Variants in LPIN2 observed in about 807,000 individuals in gnomAD.
The protein encoded by LPIN2 is phosphatidate phosphatase LPIN2.
In LPIN2, 55 loss-of-function variants were observed where a neutral mutation model predicts 111.4. The ratio of observed to expected loss-of-function variants is 0.49; its 90% CI spans 0.40 to 0.62. The LOEUF is 0.62. Ranked by LOEUF, LPIN2 falls within the 20% of genes least tolerant of loss-of-function variation. LPIN2 has a pLI of 0.00. For missense variants in LPIN2, 992 were observed against 1,112.1 expected, an observed-to-expected ratio of 0.89 and a Z score of 1.54; for synonymous variants, 425 against 414.0, an observed-to-expected ratio of 1.03 and a Z score of -0.32.
intron 2 of LPIN2, among the ~76,000 whole-genome samples, chr18:2,957,377 C>CA (rs1191701462): frequency 6.6e-6 from 1 of 152,126 alleles, no homozygotes; most frequent in Non-Finnish European, 1.5e-5. Flanking sequence ...CTTCAGACGT[C>CA]AGATTTTCAG....
rs1406028456 is a variant in LPIN2 at position 2,931,301 on chromosome 18, G to A, written c.1411C>T (p.Leu471Phe). The A allele has an allele frequency of 6.2e-7, 1 of 1,614,196 alleles. No individual in the cohort carries two copies. Among genetic ancestry groups the A allele is most frequent in the South Asian group, 1.1e-5 (1 of 91,084 alleles). ...DSAMDLPDVT[L>F]SLCGGLSENG... ...TCACTGAGGCCCCCGCAAAGGGAGAGGGTAACGTCAGGCAAGTCCATGGCA... is the reference window on the plus strand; with the variant it reads ...TCACTGAGGCCCCCGCAAAGGGAGAAGGTAACGTCAGGCAAGTCCATGGCA... Residue 471 changes from leucine to phenylalanine, a missense_variant, in exon 9 of 20, where the codon CTC becomes TTC. Physicochemically the swap from Leu to Phe is conservative, Grantham distance 22. Coordinates refer to ENST00000677752, the MANE Select transcript of LPIN2 (RefSeq NM_001375808.2).
In LPIN2 at chr18:2,918,736, A is replaced by G. The variant is rs750856145; in HGVS notation, c.*1557T>C. The G allele has an allele frequency of 1.3e-5, 2 of 152,240 alleles. No homozygotes were observed. The highest frequency in any genetic ancestry group is 2.9e-5 in the Non-Finnish European group (2 of 68,054). The allele number at this position is 152,240 out of a possible 1,614,324, so 9.4% of individuals were successfully genotyped here. On this transcript the variant is annotated 3_prime_UTR_variant, in exon 20 of 20. Transcript: ENST00000677752. The stretch of plus-strand genomic sequence containing the variant: ...AAGCACTAGGAAAATGGCTGAAATC[A>G]GTCAGGGACTTTCAACTCTCCAATC...
intron 9 of LPIN2, among the ~76,000 whole-genome samples, chr18:2,931,005 T>C (rs1011505254): frequency 6.6e-6 from 1 of 152,176 alleles, no homozygotes; most frequent in Admixed American, 6.5e-5. Context: ...CAGGGCGGCC[T>C]GATAACTCCC....
At chr18:2,921,411 C>G (rs1175028549) in intron 18 of LPIN2, 122 bp downstream of exon 18, 1 of 773,452 alleles carries the variant, frequency 1.3e-6, no homozygotes, top group Non-Finnish European at 2.3e-6. Flanking sequence ...ACCGAACAAG[C>G]AGAACAGATG....
chr18:2,924,030 C>CA (rs2077094965), intron 15 of LPIN2, among the ~76,000 whole-genome samples, 169 bp from the exon 16 acceptor site: 1 of 152,210 alleles, frequency 6.6e-6, no homozygotes, highest in African/African-American at 2.4e-5. Context: ...CAAACGCACC[C>CA]ACTGAGGTGC....
chr18:2,955,846 C>A (rs1399307966), intron 2 of LPIN2, among the ~76,000 whole-genome samples: 1 of 151,846 alleles, frequency 6.6e-6, no homozygotes, highest in African/African-American at 2.4e-5. Flanking sequence ...ACCCAGGAGG[C>A]GGAGGCTGCA....
chr18:2,939,315 T>C lies in LPIN2; in HGVS notation c.822+165A>G, dbSNP rs568177984. On this transcript the variant is annotated intron_variant, in intron 6 of 19. Transcript: ENST00000677752. ...TTCGGTTGCAAATATATAGTCCAAA[T>C]GTTACAAAAAATGTTAACTTTGAAT... Among the ~76,000 whole-genome samples the C allele has an allele frequency of 1.1e-4, 16 of 152,338 alleles. No homozygotes were observed. The South Asian group carries it at 3.3e-3, about 32-fold the overall frequency.
intron 7 of LPIN2, among the ~76,000 whole-genome samples, chr18:2,937,278 T>G (rs1435980889): frequency 6.6e-6 from 1 of 151,942 alleles, no homozygotes; most frequent in Non-Finnish European, 1.5e-5. Flanking sequence ...GCACGGTGGC[T>G]CACACCTGTA....
At chr18:2,973,165 C>T (rs1246749205) in intron 1 of LPIN2, among the ~76,000 whole-genome samples, 1 of 152,042 alleles carries the variant, frequency 6.6e-6, no homozygotes. Flanking sequence ...AATAGCTGTA[C>T]CTTGAACTAT....
chr18:2,963,527 CATGA>C (rs1474887114), intron 1 of LPIN2, among the ~76,000 whole-genome samples: 1 of 151,920 alleles, frequency 6.6e-6, no homozygotes, highest in Non-Finnish European at 1.5e-5. Flanking sequence ...CCTATTTTAT[CATGA>C]ATGATGAGGG....
chr18:2,970,715 G>T (rs1397514592), intron 1 of LPIN2, among the ~76,000 whole-genome samples: 1 of 152,166 alleles, frequency 6.6e-6, no homozygotes, highest in Non-Finnish European at 1.5e-5. Flanking sequence ...AACACTTTAT[G>T]CTACTTAACA....
At chr18:3,007,942 T>C (rs903161439) in intron 1 of LPIN2, among the ~76,000 whole-genome samples, 2 of 152,222 alleles carry the variant, frequency 1.3e-5, no homozygotes, top group African/African-American at 2.4e-5. Context: ...CAGCTGAACA[T>C]ACCTATCTTG....
intron 1 of LPIN2, among the ~76,000 whole-genome samples, chr18:2,977,917 G>T (rs940659896): frequency 2.0e-5 from 3 of 152,186 alleles, no homozygotes; most frequent in Non-Finnish European, 2.9e-5. Flanking sequence ...GAGAGGCCGG[G>T]CTCGGTGGTT....
Position 2,928,596 on chromosome 18 carries a change from G to C in LPIN2, c.1615C>G (p.Pro539Ala). 6.2e-7 allele frequency: 1 copy of C among 1,614,134 alleles called. No individual in the cohort carries two copies. The change falls in exon 11 of 20, where the codon CCT (proline) becomes GCT (alanine). Residue 539 changes from proline to alanine, a missense_variant. By Grantham distance (27) the Pro-to-Ala change is conservative. Coordinates refer to ENST00000677752, the MANE Select transcript of LPIN2 (RefSeq NM_001375808.2). ...LSLQVFQKSL[P>A]KATVESWVKD... is the part of the protein sequence containing the mutation. ...CAGATGGTGGATCGCCTCACCTTAG[G>C]CAAGCTCTTCTGGAATACTTGCAAG...
chr18:2,960,543 C>T, intron 2 of LPIN2, 106 bp downstream of exon 2: 1 of 1,125,278 alleles, frequency 8.9e-7, no homozygotes, highest in Non-Finnish European at 1.3e-6. Flanking sequence ...AGAAAACTCA[C>T]AATAGCGATT....
At position 2,975,166 on chromosome 18, in the gene LPIN2, C is replaced by G. The variant is rs575903614; in HGVS notation, c.-9-14317G>C. Among the ~76,000 whole-genome samples the G allele has an allele frequency of 4.6e-5, 7 of 152,244 alleles. No individual in the cohort carries two copies. In the South Asian group the frequency reaches 1.5e-3, roughly 32 times the overall value. ...GTCTAGCAGTTACCCAGAGACATGA[C>G]CAGACAAAAGCCCTGGTATGTCCAT... On this transcript the variant is annotated intron_variant, in intron 1 of 19. Transcript: ENST00000677752.
intron 1 of LPIN2, among the ~76,000 whole-genome samples, chr18:2,979,773 G>T (rs565953148): frequency 6.6e-6 from 1 of 152,166 alleles, no homozygotes; most frequent in Admixed American, 6.5e-5. Context: ...TCTGTGGCGA[G>T]CATGCTTTGA....
chr18:2,989,686 C>T (rs1432374710), intron 1 of LPIN2, among the ~76,000 whole-genome samples: 1 of 152,056 alleles, frequency 6.6e-6, no homozygotes, highest in Non-Finnish European at 1.5e-5. Flanking sequence ...TTTGGGAGGC[C>T]AATGCGGGCA....
chr18:2,926,994 A>G (rs185079968), intron 12 of LPIN2, among the ~76,000 whole-genome samples, 189 bp from the exon 13 acceptor site: 1 of 152,360 alleles, frequency 6.6e-6, no homozygotes, highest in African/African-American at 2.4e-5. Flanking sequence ...ATGTGCTTCT[A>G]TGCAAATCAC....
Sources: allele counts gnomAD v4.1 joint callset (sites outside exome capture counted in the v4.1 genomes callset), GRCh38; gene constraint gnomAD v4.1.1; transcripts MANE v1.5; gene names NCBI Gene and HGNC (gene_info 2026-07-23, HGNC 2026-07-21).